The following GALNT18 variants were observed in gnomAD, a reference collection of about 807,000 sequenced individuals.
GALNT18 encodes polypeptide N-acetylgalactosaminyltransferase 18.
A neutral mutation model predicts 69.5 loss-of-function variants in GALNT18; 44 were observed. That is an observed-to-expected ratio of 0.63 (90% CI 0.50 to 0.81). The LOEUF (loss-of-function observed/expected upper bound fraction) is 0.81, where lower values mean the gene tolerates loss of function less well. GALNT18 is among the 40% of genes least tolerant of loss of function. GALNT18 has a pLI of 0.00. For synonymous variants in GALNT18, 364 were observed against 318.2 expected (o/e 1.14, Z -1.53); for missense variants, 715 against 810.0 (o/e 0.88, Z 1.42).
chr11:11,304,666 A>G (rs1381284974), intron 9 of GALNT18, among the ~76,000 whole-genome samples: 6 of 152,166 alleles, frequency 3.9e-5, no homozygotes, highest in Non-Finnish European at 8.8e-5. Flanking sequence ...GCCCTCTCCT[A>G]TGATGCTTCT....
At chr11:11,445,309 G>A (rs1855624830) in intron 2 of GALNT18, among the ~76,000 whole-genome samples, 1 of 152,166 alleles carries the variant, frequency 6.6e-6, no homozygotes, top group Admixed American at 6.5e-5. Flanking sequence ...CTAATCATAG[G>A]ACCTACCTCA....
Position 11,563,996 on chromosome 11 carries a change from T to TAA in GALNT18, c.235+57361_235+57362dup, listed in dbSNP as rs924704787. Among the ~76,000 whole-genome samples, 8 of 152,162 alleles carry TAA rather than the reference T, an allele frequency of 5.3e-5. No homozygotes were observed. Among genetic ancestry groups the TAA allele is most frequent in the African/African-American group, 1.9e-4 (8 of 41,428 alleles). On this transcript the variant is annotated intron_variant, in intron 1 of 10. Transcript: ENST00000227756. The surrounding 1 kb of genome is among the most constrained non-coding windows in gnomAD (Gnocchi z 4.6). Reference sequence around the variant, plus strand: ...GACATGATGGCTTGCTCCAACGCCCTAAAAACCAGCAACGATCAACTAGAT... The same window carrying TAA: ...GACATGATGGCTTGCTCCAACGCCCTAAAAAAACCAGCAACGATCAACTAGAT...
At chr11:11,531,379 C>T (rs553489433) in intron 1 of GALNT18, among the ~76,000 whole-genome samples, 1 of 152,352 alleles carries the variant, frequency 6.6e-6, no homozygotes, top group African/African-American at 2.4e-5. Context: ...CATCCTTCCC[C>T]AGTCCTGAGT....
intron 1 of GALNT18, among the ~76,000 whole-genome samples, chr11:11,519,136 C>A (rs1159472584): frequency 6.6e-6 from 1 of 152,214 alleles, no homozygotes; most frequent in Non-Finnish European, 1.5e-5. Flanking sequence ...GCAATCTAGC[C>A]CACACCCTGC....
rs751588560 is a variant in GALNT18, at chr11:11,293,091, G to T, written c.1615C>A (p.Arg539=). 2.2e-6 allele frequency: 3 copies of T among 1,382,230 alleles called. No individual in the cohort carries two copies. Among genetic ancestry groups the T allele is most frequent in the Middle Eastern group, 1.9e-4 (1 of 5,148 alleles). The allele number at this position is 1,382,230 out of a possible 1,614,324, so 85.6% of individuals were successfully genotyped here. A position where few individuals can be genotyped will look rare whatever the true frequency, so the allele number is the denominator to read the frequency against. ...RCLVDVNSRP[R]LIECSYAKAK... ...TTGGCGTAGCTGCATTCGATGAGCC[G>T]GGGCCGGCTGTTGACGTCCACCAGG... The change falls in exon 10 of 11, where the codon CGG becomes AGG. Residue 539 remains arginine (R), a synonymous_variant. Transcript: ENST00000227756.
rs1318487488 is a variant in GALNT18, at chr11:11,563,636, G to A, written c.235+57723C>T. Among the ~76,000 whole-genome samples the A allele has an allele frequency of 6.6e-6, 1 of 152,194 alleles. No homozygotes were observed. The highest frequency in any genetic ancestry group is 2.4e-5 in the African/African-American group (1 of 41,432). On this transcript the variant is annotated intron_variant, in intron 1 of 10. Coordinates refer to ENST00000227756, the MANE Select transcript of GALNT18 (RefSeq NM_198516.3). The surrounding 1 kb of genome is among the most constrained non-coding windows in gnomAD (Gnocchi z 4.6). ...AGGAAACTAAGGCTCAAAGCCTAAG[G>A]CTAGCTTGTGGTTGCTGGTGGGGGC...
intron 3 of GALNT18, among the ~76,000 whole-genome samples, chr11:11,428,487 G>A (rs1296022106): frequency 6.6e-6 from 1 of 152,224 alleles, no homozygotes; most frequent in Non-Finnish European, 1.5e-5. Flanking sequence ...TTGACTCTGG[G>A]TACCCATCAC....
chr11:11,456,768 C>T (rs1175157685), intron 1 of GALNT18, among the ~76,000 whole-genome samples: 1 of 152,244 alleles, frequency 6.6e-6, no homozygotes, highest in East Asian at 1.9e-4. Context: ...ATGATCATGC[C>T]CAGTCCTTAT....
chr11:11,532,870 A>G (rs1321241728), intron 1 of GALNT18, among the ~76,000 whole-genome samples: 1 of 152,230 alleles, frequency 6.6e-6, no homozygotes, highest in Non-Finnish European at 1.5e-5. Context: ...AACAGCAGAT[A>G]ATTTGCAGAC....
intron 5 of GALNT18, among the ~76,000 whole-genome samples, chr11:11,373,454 C>A (rs1363010375): frequency 6.6e-6 from 1 of 152,186 alleles, no homozygotes; most frequent in African/African-American, 2.4e-5. Context: ...GGTTGGAGAC[C>A]ACTCATCAAT....
chr11:11,444,650 C>T lies in GALNT18; in HGVS notation c.428+4094G>A, dbSNP rs1478871262. 6.6e-6 allele frequency among the ~76,000 whole-genome samples: 1 copy of T among 151,720 alleles called. No individual in the cohort carries two copies. The highest frequency in any genetic ancestry group is 1.5e-5 in the Non-Finnish European group (1 of 67,936). On this transcript the variant is annotated intron_variant, in intron 2 of 10. Coordinates refer to ENST00000227756, the MANE Select transcript of GALNT18 (RefSeq NM_198516.3). The surrounding 1 kb of genome is among the most constrained non-coding windows in gnomAD (Gnocchi z 4.4). The stretch of plus-strand genomic sequence containing the variant: ...TGGGTCAGATTACATCTTTCAGTAC[C>T]AAGAAAAAAAGGAGACAAAGTAAGT...
At position 11,470,072 on chromosome 11, in the gene GALNT18, G is replaced by A. The variant is rs902301325; in HGVS notation, c.236-21136C>T. ...CCTCCAATCTGCTTCTGCCTCTCAG[G>A]TTACTTTTGCCAATTGACAGGGACA... On this transcript the variant is annotated intron_variant, in intron 1 of 10. Coordinates refer to ENST00000227756, the MANE Select transcript of GALNT18 (RefSeq NM_198516.3). This position sits in a 1 kb window ranked among gnomAD's most constrained non-coding sequence, Gnocchi z 4.8. Among the ~76,000 whole-genome samples, 3 of 152,180 alleles carry A rather than the reference G, an allele frequency of 2.0e-5. No homozygotes were observed. The highest frequency in any genetic ancestry group is 2.9e-5 in the Non-Finnish European group (2 of 68,036).
rs934534357 is a variant in GALNT18, at chr11:11,543,133, C to T, written c.235+78226G>A. ...AGTTACTATTATTAAGAAGCCGATG[C>T]CTTCTCTGGTCTTTCTACCTCTGCC... is the stretch of plus-strand genomic sequence containing the variant. On this transcript the variant is annotated intron_variant, in intron 1 of 10. Coordinates refer to ENST00000227756, the MANE Select transcript of GALNT18 (RefSeq NM_198516.3). This position sits in a 1 kb window ranked among gnomAD's most constrained non-coding sequence, Gnocchi z 5.1. 6.6e-6 allele frequency among the ~76,000 whole-genome samples: 1 copy of T among 152,212 alleles called. No homozygotes were observed. Among genetic ancestry groups the T allele is most frequent in the Non-Finnish European group, 1.5e-5 (1 of 68,038 alleles).
intron 10 of GALNT18, among the ~76,000 whole-genome samples, chr11:11,292,758 TAAA>T (rs1445587863): frequency 1.3e-5 from 2 of 148,442 alleles, no homozygotes; most frequent in Non-Finnish European, 2.9e-5. Context: ...AGTACAATAA[TAAA>T]ATCATTATAA....
At chr11:11,612,361 C>G (rs934167870) in intron 1 of GALNT18, among the ~76,000 whole-genome samples, 3 of 152,198 alleles carry the variant, frequency 2.0e-5, no homozygotes, top group Non-Finnish European at 4.4e-5. Context: ...TACAATCAAT[C>G]TTTAATTCTC....
In GALNT18 at chr11:11,372,428, C is replaced by T. The variant is rs1266629938; in HGVS notation, c.1092+87G>A. 2 of 1,007,974 alleles carry T rather than the reference C, an allele frequency of 2.0e-6. No homozygotes were observed. The highest frequency in any genetic ancestry group is 3.1e-6 in the Non-Finnish European group (2 of 643,390). The allele number at this position is 1,007,974 out of a possible 1,614,324, so 62.4% of individuals were successfully genotyped here. On this transcript the variant is annotated intron_variant, in intron 6 of 10. Coordinates refer to ENST00000227756, the MANE Select transcript of GALNT18 (RefSeq NM_198516.3). The surrounding 1 kb of genome is among the most constrained non-coding windows in gnomAD (Gnocchi z 4.9). ...ACATTCAGAATCAGTCTGTGACCCT[C>T]AACCTTAAACCCCATTTCTCCACCC...
At position 11,618,578 on chromosome 11, in the gene GALNT18, G is replaced by C. The variant is rs565655053; in HGVS notation, c.235+2781C>G. On this transcript the variant is annotated intron_variant, in intron 1 of 10. Coordinates refer to ENST00000227756, the MANE Select transcript of GALNT18 (RefSeq NM_198516.3). The surrounding 1 kb of genome is among the most constrained non-coding windows in gnomAD (Gnocchi z 6.1). ...CCAAGGGACCCTGGGGCCCTCCTGGGAGACAGTTTAGTACGTGGGTAAGAA... is the reference window on the plus strand; with the variant it reads ...CCAAGGGACCCTGGGGCCCTCCTGGCAGACAGTTTAGTACGTGGGTAAGAA... Among the ~76,000 whole-genome samples, 1 of 152,276 alleles carries C rather than the reference G, an allele frequency of 6.6e-6. No homozygotes were observed. The highest frequency in any genetic ancestry group is 1.9e-4 in the East Asian group (1 of 5,188).
intron 9 of GALNT18, among the ~76,000 whole-genome samples, chr11:11,305,626 T>G (rs937201801): frequency 3.9e-5 from 6 of 152,044 alleles, no homozygotes; most frequent in African/African-American, 1.4e-4. Flanking sequence ...ATTCATCCCC[T>G]CAATTTACTC....
chr11:11,332,789 G>C lies in GALNT18; in HGVS notation c.1321C>G (p.Leu441Val). The C allele has an allele frequency of 6.2e-7, 1 of 1,613,986 alleles. No homozygotes were observed. Among genetic ancestry groups the C allele is most frequent in the Non-Finnish European group, 8.5e-7 (1 of 1,179,986 alleles). Residue 441 changes from leucine (L) to valine (V), a missense_variant, in exon 8 of 11, where the codon CTC becomes GTC. Coordinates refer to ENST00000227756, the MANE Select transcript of GALNT18 (RefSeq NM_198516.3). The surrounding 1 kb of genome is among the most constrained non-coding windows in gnomAD (Gnocchi z 4.3). Reference sequence around the variant, plus strand: ...GTCTTGCACTGCAGCTGTTTCCTGAGAGCCTTCCTTGCAGTGATGTCCCCA... The same window carrying C: ...GTCTTGCACTGCAGCTGTTTCCTGACAGCCTTCCTTGCAGTGATGTCCCCA... ...DIGDITARKA[L>V]RKQLQCKTFR...
Sources: allele counts gnomAD v4.1 joint callset (sites outside exome capture counted in the v4.1 genomes callset), GRCh38; gene constraint gnomAD v4.1.1; non-coding constraint Gnocchi (gnomAD v3.1); transcripts MANE v1.5; gene names NCBI Gene and HGNC (gene_info 2026-07-23, HGNC 2026-07-21).